Variants in ATP10A observed in about 807,000 individuals in gnomAD.
ATP10A encodes the protein ATPase phospholipid transporting 10A (putative).
A neutral mutation model predicts 147.8 loss-of-function variants in ATP10A; 111 were observed. That is an observed-to-expected ratio of 0.75 (90% confidence interval 0.64 to 0.88). The LOEUF is 0.88. Among genes scored for constraint, ATP10A ranks in the 40% least tolerant of loss-of-function variants. The pLI, the probability that ATP10A is intolerant of heterozygous loss-of-function variation, is 0.00. For synonymous variants in ATP10A, 875 were observed against 841.6 expected (o/e 1.04, Z -0.69); for missense variants, 1,927 against 1,959.0 (o/e 0.98, Z 0.31).
downstream of ATP10A, among the ~76,000 whole-genome samples, chr15:25,675,937 C>A (rs1899127888): frequency 6.6e-6 from 1 of 151,540 alleles, no homozygotes; most frequent in Non-Finnish European, 1.5e-5. Context: ...CAGAATGAGA[C>A]CCCGTTGGAA....
At chr15:25,704,704 A>C (rs1900871498) in intron 12 of ATP10A, among the ~76,000 whole-genome samples, 1 of 152,228 alleles carries the variant, frequency 6.6e-6, no homozygotes, top group South Asian at 2.1e-4. Context: ...CCTCGGCATG[A>C]AACATGGCAG....
intron 1 of ATP10A, among the ~76,000 whole-genome samples, chr15:25,798,081 G>A (rs752491893): frequency 6.6e-6 from 1 of 152,150 alleles, no homozygotes; most frequent in Non-Finnish European, 1.5e-5. Context: ...AACTGGAAGA[G>A]GGAGGGAGGC....
chr15:25,729,343 C>G (rs530579171), intron 3 of ATP10A, among the ~76,000 whole-genome samples: 1 of 152,172 alleles, frequency 6.6e-6, no homozygotes, highest in Non-Finnish European at 1.5e-5. Flanking sequence ...ACTCCTCCCC[C>G]ATTTTTACAT....
chr15:25,831,200 T>C (rs1367362262), intron 1 of ATP10A, among the ~76,000 whole-genome samples: 1 of 152,168 alleles, frequency 6.6e-6, no homozygotes, highest in Non-Finnish European at 1.5e-5. Context: ...TCCCACCTCA[T>C]TCCAAAGCTG....
chr15:25,684,494 G>T (rs117533570), intron 16 of ATP10A, among the ~76,000 whole-genome samples: 33 of 152,312 alleles, frequency 2.2e-4, no homozygotes, highest in African/African-American at 7.2e-4. Context: ...GATCGCCTAC[G>T]GTGTATGGTG....
chr15:25,803,926 G>A (rs1200383374), intron 1 of ATP10A, among the ~76,000 whole-genome samples: 1 of 152,246 alleles, frequency 6.6e-6, no homozygotes, highest in Non-Finnish European at 1.5e-5. Context: ...AGACACATGT[G>A]TGTGAGGTAT....
intron 15 of ATP10A, among the ~76,000 whole-genome samples, chr15:25,689,651 A>G (rs1458568070): frequency 2.0e-5 from 3 of 152,198 alleles, no homozygotes; most frequent in Non-Finnish European, 2.9e-5. Context: ...CATCTCACCT[A>G]ACACATCCCC....
chr15:25,781,378 C>T (rs773031711), intron 1 of ATP10A, among the ~76,000 whole-genome samples, 155 bp from the exon 2 acceptor site: 5 of 152,000 alleles, frequency 3.3e-5, no homozygotes, highest in Admixed American at 6.6e-5. Context: ...AATATTTGGC[C>T]GGGTGTGGTG....
Position 25,862,677 on chromosome 15 carries a change from G to T in ATP10A, c.420C>A (p.Ile140=), listed in dbSNP as rs748608703. Residue 140 remains isoleucine (I), a synonymous_variant, in exon 1 of 21, where the codon ATC becomes ATA. Coordinates refer to ENST00000555815, the MANE Select transcript of ATP10A (RefSeq NM_024490.4). ...TGAAGACCAGGCAGCCCAGGTGGTT[G>T]ATCTTGTGGTCGGAGCGGTGGCGGC... ...DYSRHRSDHK[I]NHLGCLVFSR... The T allele has an allele frequency of 6.3e-7, 1 of 1,599,148 alleles. No individual in the cohort carries two copies. Among genetic ancestry groups the T allele is most frequent in the Non-Finnish European group, 8.5e-7 (1 of 1,170,454 alleles).
chr15:25,790,986 C>A (rs1890393045), intron 1 of ATP10A, among the ~76,000 whole-genome samples: 1 of 152,006 alleles, frequency 6.6e-6, no homozygotes, highest in Admixed American at 6.6e-5. Context: ...TCCTAAGAGG[C>A]TGTAACAATT....
chr15:25,705,440 C>CAAAAAAAAAAAAAAAA (rs67294220), intron 12 of ATP10A, among the ~76,000 whole-genome samples: 1 of 86,218 alleles, frequency 1.2e-5, no homozygotes, highest in Non-Finnish European at 2.2e-5. Context: ...TGTCTCAAAG[C>CAAAAAAAAAAAAAAAA]AAAAAAAAAA....
chr15:25,771,472 T>C (rs926409626), intron 2 of ATP10A, among the ~76,000 whole-genome samples: 8 of 152,160 alleles, frequency 5.3e-5, no homozygotes, highest in African/African-American at 1.9e-4. Context: ...CTAAAGTCTG[T>C]TGGATTCCAC....
chr15:25,744,040 C>G (rs1887707482), intron 2 of ATP10A, among the ~76,000 whole-genome samples: 1 of 152,028 alleles, frequency 6.6e-6, no homozygotes, highest in Non-Finnish European at 1.5e-5. Flanking sequence ...TAAAACCTAC[C>G]AAGAGAGGGG....
intron 2 of ATP10A, among the ~76,000 whole-genome samples, chr15:25,776,825 T>C (rs1277877789): frequency 6.6e-6 from 1 of 152,184 alleles, no homozygotes; most frequent in African/African-American, 2.4e-5. Context: ...ATTCCGCCTC[T>C]GGGGCACCAT....
At position 25,807,794 on chromosome 15, in the gene ATP10A, C is replaced by T. The variant is rs375628743; in HGVS notation, c.450-26571G>A. 4.2e-4 allele frequency among the ~76,000 whole-genome samples: 63 copies of T among 149,574 alleles called. 1 individual carries two copies. In the East Asian group the frequency reaches 0.012, roughly 29 times the overall value. On this transcript the variant is annotated intron_variant, in intron 1 of 20. Transcript: ENST00000555815. Reference sequence around the variant, plus strand: ...TCCAGCCTGGGTGACAAGAGTGAAACTCCATCCCCCCGGCCAAAAAAAAGA... The same window carrying T: ...TCCAGCCTGGGTGACAAGAGTGAAATTCCATCCCCCCGGCCAAAAAAAAGA...
rs188588343 is a variant in ATP10A at position 25,779,111 on chromosome 15, A to G, written c.654+1908T>C. On this transcript the variant is annotated intron_variant, in intron 2 of 20. Coordinates refer to ENST00000555815, the MANE Select transcript of ATP10A (RefSeq NM_024490.4). The stretch of plus-strand genomic sequence containing the variant: ...AGGATGGTCTCGAATTACTGACCTC[A>G]AGTGATCCACCCGCCTCGGCCTCCC... Among the ~76,000 whole-genome samples the G allele has an allele frequency of 9.5e-4, 145 of 152,266 alleles. 1 individual carries two copies. The East Asian group carries it at 0.026, about 27-fold the overall frequency.
chr15:25,680,300 G>A lies in ATP10A; in HGVS notation c.3687C>T (p.Leu1229=), dbSNP rs765028029. The A allele has an allele frequency of 8.3e-5, 134 of 1,614,018 alleles. No individual in the cohort carries two copies. Among genetic ancestry groups the A allele is most frequent in the Non-Finnish European group, 1.9e-5 (22 of 1,179,984 alleles). ...LGIETKTWTW[L]NWITCGFSVL... is the part of the protein sequence containing the mutation. ...CACTGAAGCCACACGTTATCCAGTT[G>A]AGCCAGGTCTGAGGGGGAATGAGAA... The change falls in exon 20 of 21, where the codon CTC becomes CTT. Residue 1229 remains leucine (L), a synonymous_variant. Transcript: ENST00000555815.
chr15:25,707,276 T>C (rs1387478982), intron 12 of ATP10A, among the ~76,000 whole-genome samples: 1 of 152,146 alleles, frequency 6.6e-6, no homozygotes, highest in Non-Finnish European at 1.5e-5. Flanking sequence ...TAAGTGAAGA[T>C]GACCTGCCCA....
At chr15:25,841,977 T>C (rs546037548) in intron 1 of ATP10A, among the ~76,000 whole-genome samples, 1 of 152,350 alleles carries the variant, frequency 6.6e-6, no homozygotes, top group Admixed American at 6.5e-5. Flanking sequence ...AATCAGTCTT[T>C]CATCCTCAAC....
Sources: gnomAD v4.1 joint callset for allele counts (sites outside exome capture counted in the v4.1 genomes callset) on GRCh38, gnomAD v4.1.1 for gene constraint, MANE v1.5 for transcripts, NCBI Gene and HGNC (gene_info 2026-07-23, HGNC 2026-07-21) for gene names.